Variants in SREBF2 observed in about 807,000 individuals in gnomAD.
The protein encoded by SREBF2 is sterol regulatory element-binding protein 2.
In SREBF2, 55 loss-of-function variants were observed where a neutral mutation model predicts 113.1. That is an observed-to-expected ratio of 0.49 (90% confidence interval 0.39 to 0.61). The LOEUF (loss-of-function observed/expected upper bound fraction) is 0.61. Ranked by LOEUF, SREBF2 falls within the 20% of genes least tolerant of loss-of-function variation. SREBF2 has a pLI of 0.00. For synonymous variants in SREBF2, 593 were observed against 605.7 expected (o/e 0.98, Z 0.31); for missense variants, 1,349 against 1,487.4 (o/e 0.91, Z 1.53).
chr22:41,895,021 A>T, intron 13 of SREBF2, 84 bp downstream of exon 13: 3 of 1,061,048 alleles, frequency 2.8e-6, no homozygotes, highest in Admixed American at 1.8e-5. Context: ...GCACTCCTGG[A>T]GGGAAACAAG....
chr22:41,894,730 G>T, intron 12 of SREBF2, 90 bp from the exon 13 acceptor site: 1 of 1,082,772 alleles, frequency 9.2e-7, no homozygotes, highest in Non-Finnish European at 1.4e-6. Flanking sequence ...CATTCACAAG[G>T]CATGGCTGTG....
intron 8 of SREBF2, 33 bp from the exon 9 acceptor site, chr22:41,877,909 C>T: frequency 6.2e-7 from 1 of 1,613,962 alleles, no homozygotes; most frequent in Non-Finnish European, 8.5e-7. Context: ...CAAGGCCTTT[C>T]CTAGCAGACT....
Position 41,867,011 on chromosome 22 carries a change from G to T in SREBF2, c.269G>T (p.Arg90Leu), listed in dbSNP as rs756727759. The T allele has an allele frequency of 3.1e-6, 5 of 1,613,852 alleles. No homozygotes were observed. The highest frequency in any genetic ancestry group is 1.7e-5 in the Admixed American group (1 of 59,990). The change falls in exon 2 of 19, where the codon CGG (arginine) becomes CTG (leucine). Residue 90 changes from arginine (R) to leucine (L), a missense_variant. Transcript: ENST00000361204. The stretch of plus-strand genomic sequence containing the variant: ...GGAGCTGTGGACCCTTCAGTGCAAC[G>T]GTCATTCACCCAGGTCACATTACCT... ...SSGAVDPSVQRSFTQVTLPSF... is the reference protein window; with the variant it reads ...SSGAVDPSVQLSFTQVTLPSF...
chr22:41,889,417 G>A (rs1241852749), intron 11 of SREBF2, among the ~76,000 whole-genome samples: 3 of 151,980 alleles, frequency 2.0e-5, no homozygotes, highest in Admixed American at 6.6e-5. Flanking sequence ...ATGCACCACC[G>A]CGCCTGGCCT....
At position 41,833,158 on chromosome 22, in the gene SREBF2, C is replaced by T. The variant is rs764287754; in HGVS notation, c.-113C>T. ...AAACATGGCGGCGGGTGGCACCCGTCGGTGAGGCGGTGCCGGGCGGGGGTT... is the reference window on the plus strand; with the variant it reads ...AAACATGGCGGCGGGTGGCACCCGTTGGTGAGGCGGTGCCGGGCGGGGGTT... On this transcript the variant is annotated 5_prime_UTR_variant, in exon 1 of 19. Coordinates refer to ENST00000361204, the MANE Select transcript of SREBF2 (RefSeq NM_004599.4). The surrounding 1 kb of genome is among the most constrained non-coding windows in gnomAD (Gnocchi z 4.1). 6 of 763,826 alleles carry T rather than the reference C, an allele frequency of 7.9e-6. No homozygotes were observed. Among genetic ancestry groups the T allele is most frequent in the South Asian group, 2.4e-5 (1 of 42,324 alleles). The allele number at this position is 763,826 out of a possible 1,614,324, so 47.3% of individuals were successfully genotyped here.
At chr22:41,852,837 C>T (rs1328109394) in intron 1 of SREBF2, among the ~76,000 whole-genome samples, 2 of 149,810 alleles carry the variant, frequency 1.3e-5, no homozygotes, top group Non-Finnish European at 3.0e-5. Flanking sequence ...CTCACTGCAC[C>T]CTCCACCTCC....
intron 1 of SREBF2, among the ~76,000 whole-genome samples, chr22:41,849,455 A>G (rs2076907024): frequency 6.6e-6 from 1 of 152,146 alleles, no homozygotes; most frequent in Non-Finnish European, 1.5e-5. Flanking sequence ...TTAGCCTCCC[A>G]AAGTGCTGGG....
chr22:41,833,256 G>A lies in SREBF2; in HGVS notation c.-15G>A, dbSNP rs762591939. ...GAGCGGGACGGCAGGGGGGGCTTCT[G>A]CGCTGAGCCGGGCGATGGACGACAG... is the stretch of plus-strand genomic sequence containing the variant. On this transcript the variant is annotated 5_prime_UTR_variant, in exon 1 of 19. Coordinates refer to ENST00000361204, the MANE Select transcript of SREBF2 (RefSeq NM_004599.4). The surrounding 1 kb of genome is among the most constrained non-coding windows in gnomAD (Gnocchi z 4.1). 43 of 1,522,764 alleles carry A rather than the reference G, an allele frequency of 2.8e-5. No individual in the cohort carries two copies. In the African/African-American group the frequency reaches 5.7e-4, roughly 20 times the overall value. 94.3% of individuals were successfully genotyped at this position (1,522,764 alleles called of 1,614,324 possible). A position where few individuals can be genotyped will look rare whatever the true frequency, so the allele number is the denominator to read the frequency against.
intron 1 of SREBF2, among the ~76,000 whole-genome samples, chr22:41,850,557 T>C (rs1214229431): frequency 6.6e-6 from 1 of 152,080 alleles, no homozygotes; most frequent in African/African-American, 2.4e-5. Flanking sequence ...CCCCAAGTTG[T>C]GATGAGCATA....
chr22:41,903,054 G>T lies in SREBF2; in HGVS notation c.2992G>T (p.Gly998Trp). The T allele has an allele frequency of 6.2e-7, 1 of 1,606,816 alleles. No individual in the cohort carries two copies. The highest frequency in any genetic ancestry group is 2.2e-5 in the East Asian group (1 of 44,562). The change falls in exon 17 of 19, where the codon GGG (glycine) becomes TGG (tryptophan). Residue 998 changes from glycine (G) to tryptophan (W), a missense_variant. Physicochemically the swap from Gly to Trp is radical, Grantham distance 184 (BLOSUM62 -2). Around this residue, in one of 2 missense-constraint regions of SREBF2, gnomAD observed 650 missense variants for 644.1 expected, o/e 1.01. Coordinates refer to ENST00000361204, the MANE Select transcript of SREBF2 (RefSeq NM_004599.4). Reference sequence around the variant, plus strand: ...ACAGGCCAGTGCCAGCCAGGCTGTGGGGGAGACCTACCACGCGTCAGGCGC... The same window carrying T: ...ACAGGCCAGTGCCAGCCAGGCTGTGTGGGAGACCTACCACGCGTCAGGCGC... The part of the protein sequence containing the change: ...QKQASASQAV[G>W]ETYHASGAEL...
intron 1 of SREBF2, among the ~76,000 whole-genome samples, chr22:41,859,544 T>G (rs918911990): frequency 6.6e-6 from 1 of 152,146 alleles, no homozygotes; most frequent in Non-Finnish European, 1.5e-5. Context: ...TGTTTCTGGA[T>G]GTATCTGATG....
chr22:41,905,786 C>T lies in SREBF2; in HGVS notation c.*126C>T, dbSNP rs1258096687. ...GCTGTCACCTGCCGAGGCTTCTGGG[C>T]CACTCAGGCCAGTGCACCCCTGGGC... On this transcript the variant is annotated 3_prime_UTR_variant, in exon 19 of 19. Coordinates refer to ENST00000361204, the MANE Select transcript of SREBF2 (RefSeq NM_004599.4). 1 of 1,088,596 alleles carries T rather than the reference C, an allele frequency of 9.2e-7. No homozygotes were observed. Among genetic ancestry groups the T allele is most frequent in the South Asian group, 1.4e-5 (1 of 73,886 alleles). The allele number at this position is 1,088,596 out of a possible 1,614,324, so 67.4% of individuals were successfully genotyped here.
chr22:41,857,718 C>T (rs1602288685), intron 1 of SREBF2, among the ~76,000 whole-genome samples: 1 of 152,162 alleles, frequency 6.6e-6, no homozygotes, highest in South Asian at 2.1e-4. Flanking sequence ...CCAGACTCTT[C>T]GCAGGAAGGT....
chr22:41,839,682 CAGGT>C, intron 1 of SREBF2, among the ~76,000 whole-genome samples: 1 of 152,314 alleles, frequency 6.6e-6, no homozygotes, highest in South Asian at 2.1e-4. Context: ...TGGAATCAGA[CAGGT>C]AGCATAATAT....
At position 41,873,908 on chromosome 22, in the gene SREBF2, C is replaced by T; in HGVS notation, c.978C>T (p.Pro326=). Residue 326 remains proline, a synonymous_variant, in exon 5 of 19, where the codon CCC becomes CCT. Transcript: ENST00000361204. ...VPGGVKQLEP[P]KEGERRTTHN... is the part of the protein sequence containing the mutation. ...GGGGAGTCAAGCAGCTTGAGCCCCC[C>T]AAAGAAGGAGAAAGGCGGACAACCC... The T allele has an allele frequency of 6.2e-7, 1 of 1,614,060 alleles. No individual in the cohort carries two copies. The highest frequency in any genetic ancestry group is 8.5e-7 in the Non-Finnish European group (1 of 1,180,028).
chr22:41,884,427 G>A (rs2077279914), intron 10 of SREBF2, among the ~76,000 whole-genome samples: 1 of 152,154 alleles, frequency 6.6e-6, no homozygotes, highest in Non-Finnish European at 1.5e-5. Context: ...GTGAGCCACT[G>A]GCACCCAGCC....
intron 15 of SREBF2, chr22:41,899,093 C>T (rs1206688099): frequency 3.0e-6 from 2 of 670,436 alleles, no homozygotes; most frequent in Non-Finnish European, 4.4e-6. Flanking sequence ...GCAGTGTGGC[C>T]CCCAGCATCT....
At position 41,867,051 on chromosome 22, in the gene SREBF2, G is replaced by A. The variant is rs200528058; in HGVS notation, c.309G>A (p.Ser103=). 5.0e-6 allele frequency: 8 copies of A among 1,614,036 alleles called. No individual in the cohort carries two copies. The highest frequency in any genetic ancestry group is 6.8e-6 in the Non-Finnish European group (8 of 1,180,024). The stretch of plus-strand genomic sequence containing the variant: ...TCACATTACCTTCCTTCTCTCCCTC[G>A]GCGGCCTCCCCACAGGCTCCAACTC... The part of the protein sequence containing the change: ...TQVTLPSFSP[S]AASPQAPTLQ... Residue 103 remains serine (S), a synonymous_variant, in exon 2 of 19, where the codon TCG becomes TCA. Transcript: ENST00000361204.
At chr22:41,871,859 A>G (rs924374112) in intron 4 of SREBF2, among the ~76,000 whole-genome samples, 9 of 149,174 alleles carry the variant, frequency 6.0e-5, no homozygotes, top group African/African-American at 2.2e-4. Context: ...AGATCGCACC[A>G]CTGCACTCCA....
Sources: allele counts gnomAD v4.1 joint callset (sites outside exome capture counted in the v4.1 genomes callset), GRCh38; gene constraint gnomAD v4.1.1; regional missense constraint gnomAD v4.1.1; non-coding constraint Gnocchi (gnomAD v3.1); transcripts MANE v1.5; gene names NCBI Gene and HGNC (gene_info 2026-07-23, HGNC 2026-07-21).